LDLRAD3: variants seen among roughly 807,000 people sequenced by gnomAD.
LDLRAD3 encodes low density lipoprotein receptor class A domain containing 3, also known as low-density lipoprotein receptor class A domain-containing protein 3.
In LDLRAD3, 20 loss-of-function variants were observed where a neutral mutation model predicts 29.4. The observed-to-expected ratio is 0.68, with a 90% CI of 0.48 to 0.99. LDLRAD3 has a LOEUF of 0.99. LDLRAD3 is among the 50% of genes least tolerant of loss of function. The pLI is 0.00. For synonymous variants in LDLRAD3, 157 were observed against 192.7 expected, an observed-to-expected ratio of 0.81 and a Z score of 1.53; for missense variants, 420 against 454.3, an observed-to-expected ratio of 0.92 and a Z score of 0.69.
At chr11:36,087,202 G>A (rs1298249077) in intron 3 of LDLRAD3, among the ~76,000 whole-genome samples, 2 of 152,144 alleles carry the variant, frequency 1.3e-5, no homozygotes, top group Non-Finnish European at 2.9e-5. Flanking sequence ...TTAACTAAAT[G>A]TGATGTGTGG....
chr11:36,001,908 T>A (rs1851830337), intron 1 of LDLRAD3, among the ~76,000 whole-genome samples: 1 of 152,192 alleles, frequency 6.6e-6, no homozygotes, highest in Admixed American at 6.5e-5. Context: ...CTCTTTTGGT[T>A]AGTATAGTTT....
At chr11:36,119,574 T>C (rs767581046) in intron 4 of LDLRAD3, among the ~76,000 whole-genome samples, 7 of 152,160 alleles carry the variant, frequency 4.6e-5, no homozygotes, top group Non-Finnish European at 7.3e-5. Flanking sequence ...TTGATTTGCA[T>C]TTTCCTAATG....
intron 4 of LDLRAD3, among the ~76,000 whole-genome samples, chr11:36,163,952 G>C (rs11601186): frequency 6.6e-6 from 1 of 152,198 alleles, no homozygotes; most frequent in Non-Finnish European, 1.5e-5. Context: ...AGTGGCTTCA[G>C]TTTTCACTGC....
At chr11:36,049,368 A>G (rs1325965161) in intron 2 of LDLRAD3, among the ~76,000 whole-genome samples, 2 of 152,222 alleles carry the variant, frequency 1.3e-5, no homozygotes, top group Admixed American at 6.5e-5. Flanking sequence ...ATCTTGAGAC[A>G]GATGAGAAAA....
At chr11:36,195,691 G>A (rs1158881536) in intron 4 of LDLRAD3, among the ~76,000 whole-genome samples, 1 of 152,114 alleles carries the variant, frequency 6.6e-6, no homozygotes, top group Non-Finnish European at 1.5e-5. Context: ...TTCATGGCCT[G>A]ACTTTGAGTC....
intron 3 of LDLRAD3, among the ~76,000 whole-genome samples, chr11:36,089,576 T>A (rs1242157930): frequency 1.3e-5 from 2 of 152,082 alleles, no homozygotes; most frequent in Non-Finnish European, 2.9e-5. Flanking sequence ...TACAGGCGTG[T>A]GCCACAAAGC....
chr11:36,140,992 T>TTCTCTCTCTCTCTCTCTCTCTC lies in LDLRAD3; in HGVS notation c.454+42554_454+42575dup, dbSNP rs557939353. On this transcript the variant is annotated intron_variant, in intron 4 of 5. Transcript: ENST00000315571. Reference sequence around the variant, plus strand: ...TTTTAATTCTGGGTGCTGTTGAGCTTTCTCTCTCTCTCTCTCTCTCTCTCT... The same window carrying TTCTCTCTCTCTCTCTCTCTCTC: ...TTTTAATTCTGGGTGCTGTTGAGCTTTCTCTCTCTCTCTCTCTCTCTCTCTCTCTCTCTCTCTCTCTCTCTCT... Among the ~76,000 whole-genome samples, 71 of 110,052 alleles carry TTCTCTCTCTCTCTCTCTCTCTC rather than the reference T, an allele frequency of 6.5e-4. 4 individuals are homozygous for TTCTCTCTCTCTCTCTCTCTCTC. Among genetic ancestry groups the TTCTCTCTCTCTCTCTCTCTCTC allele is most frequent in the South Asian group, 1.9e-3 (5 of 2,656 alleles). The allele number at this position is 110,052 out of a possible 152,430, so 72.2% of individuals were successfully genotyped here.
chr11:35,945,929 G>A (rs1030698813), intron 1 of LDLRAD3, among the ~76,000 whole-genome samples: 1 of 152,176 alleles, frequency 6.6e-6, no homozygotes, highest in Non-Finnish European at 1.5e-5. Context: ...AGGAGCAGAC[G>A]GATAGGGGGA....
chr11:36,057,267 A>G (rs1188405800), intron 2 of LDLRAD3, among the ~76,000 whole-genome samples: 1 of 152,186 alleles, frequency 6.6e-6, no homozygotes, highest in African/African-American at 2.4e-5. Context: ...AACTTGGGAA[A>G]CATTGATTAT....
At chr11:36,139,156 T>C (rs1854042854) in intron 4 of LDLRAD3, among the ~76,000 whole-genome samples, 1 of 152,230 alleles carries the variant, frequency 6.6e-6, no homozygotes, top group Non-Finnish European at 1.5e-5. Flanking sequence ...TGTTGCATTA[T>C]AGAATGTTAG....
chr11:36,151,615 C>T (rs1468316261), intron 4 of LDLRAD3, among the ~76,000 whole-genome samples: 4 of 152,126 alleles, frequency 2.6e-5, no homozygotes, highest in South Asian at 2.1e-4. Context: ...TGCTAAGTTC[C>T]GTGAGGGCGG....
intron 1 of LDLRAD3, among the ~76,000 whole-genome samples, chr11:35,951,794 G>A (rs1851138565): frequency 6.6e-6 from 1 of 152,164 alleles, no homozygotes; most frequent in South Asian, 2.1e-4. Flanking sequence ...TGTAGTACCA[G>A]CCATGCACAT....
At chr11:36,102,183 C>T (rs996310296) in intron 4 of LDLRAD3, among the ~76,000 whole-genome samples, 7 of 152,184 alleles carry the variant, frequency 4.6e-5, no homozygotes, top group African/African-American at 7.2e-5. Context: ...CCACCGCACC[C>T]GGCCGACCCA....
chr11:35,947,562 A>C (rs1851073683), intron 1 of LDLRAD3, among the ~76,000 whole-genome samples: 1 of 151,864 alleles, frequency 6.6e-6, no homozygotes, highest in African/African-American at 2.4e-5. Flanking sequence ...TGGGCAAGGG[A>C]AAGAGAGGGA....
At chr11:36,208,904 C>A (rs1337122339) in intron 4 of LDLRAD3, among the ~76,000 whole-genome samples, 1 of 152,148 alleles carries the variant, frequency 6.6e-6, no homozygotes, top group Non-Finnish European at 1.5e-5. Flanking sequence ...GAATCTCCCC[C>A]AAAATATTTA....
intron 1 of LDLRAD3, among the ~76,000 whole-genome samples, chr11:35,979,710 G>T (rs757733246): frequency 1.2e-4 from 19 of 152,186 alleles, no homozygotes; most frequent in Admixed American, 1.3e-4. Context: ...TTAGTTCCTA[G>T]GTACCATACT....
chr11:36,091,103 C>T (rs567227028), intron 3 of LDLRAD3, among the ~76,000 whole-genome samples: 1 of 152,276 alleles, frequency 6.6e-6, no homozygotes, highest in South Asian at 2.1e-4. Context: ...CCCCCTCTCC[C>T]TCAGTTGCCT....
chr11:36,017,088 T>C (rs1384899974), intron 1 of LDLRAD3, among the ~76,000 whole-genome samples: 1 of 152,254 alleles, frequency 6.6e-6, no homozygotes, highest in Non-Finnish European at 1.5e-5. Flanking sequence ...CAATGTGTTT[T>C]TTACATTATT....
chr11:36,162,364 C>T (rs1440215610), intron 4 of LDLRAD3, among the ~76,000 whole-genome samples: 2 of 152,208 alleles, frequency 1.3e-5, no homozygotes, highest in Admixed American at 6.5e-5. Flanking sequence ...CTCTAAAGAT[C>T]GCATTATTAA....
Sources: gnomAD v4.1 joint callset for allele counts (sites outside exome capture counted in the v4.1 genomes callset) on GRCh38, gnomAD v4.1.1 for gene constraint, MANE v1.5 for transcripts, NCBI Gene and HGNC (gene_info 2026-07-23, HGNC 2026-07-21) for gene names.